Variants in SELENON observed in about 807,000 individuals in gnomAD.
SELENON encodes selenoprotein N, 1.
Under a neutral mutation model 59.5 loss-of-function variants are expected in SELENON, and 44 were observed. The ratio of observed to expected loss-of-function variants is 0.74; its 90% CI spans 0.58 to 0.95. SELENON has a LOEUF of 0.95. SELENON is among the 40% of genes least tolerant of loss of function. SELENON has a pLI of 0.00. For missense variants in SELENON, 674 were observed against 721.4 expected, an observed-to-expected ratio of 0.93 and a Z score of 0.75; for synonymous variants, 320 against 305.6, an observed-to-expected ratio of 1.05 and a Z score of -0.49.
At position 25,808,731 on chromosome 1, in the gene SELENON, T is replaced by C. The variant is rs1236091551; in HGVS notation, c.689T>C (p.Met230Thr). Residue 230 changes from methionine (M) to threonine (T), a missense_variant, in exon 5 of 13, where the codon ATG (methionine) becomes ACG (threonine). By Grantham distance (81) the Met-to-Thr change is moderately conservative. Transcript: ENST00000361547. ...TGGATCATCCCCAGTGAGCTGAGCA[T>C]GTTCACTGGCTACCTGTCCAACAAC... 2 of 1,614,060 alleles carry C rather than the reference T, an allele frequency of 1.2e-6. No homozygotes were observed. The highest frequency in any genetic ancestry group is 2.2e-5 in the South Asian group (2 of 91,088).
At chr1:25,811,024 G>A (rs920746179) in intron 7 of SELENON, among the ~76,000 whole-genome samples, 5 of 152,206 alleles carry the variant, frequency 3.3e-5, no homozygotes, top group Admixed American at 6.5e-5. Flanking sequence ...TCCCTCGTGC[G>A]GCGGATCTGC....
chr1:25,808,503 G>A, intron 4 of SELENON, 77 bp from the exon 4 acceptor site: 3 of 1,545,124 alleles, frequency 1.9e-6, no homozygotes, highest in East Asian at 2.2e-5. Flanking sequence ...GCTTGAGGGA[G>A]ACCTCCACCC....
At chr1:25,800,982 G>C in intron 1 of SELENON, 61 bp from the exon 2 acceptor site, 3 of 1,367,198 alleles carry the variant, frequency 2.2e-6, no homozygotes, top group African/African-American at 1.4e-5. Flanking sequence ...GCAACTGCCT[G>C]TTGGGGACCA....
In SELENON at chr1:25,806,374, C is replaced by T. The variant is rs1396365558; in HGVS notation, c.537+1099C>T. 2.6e-5 allele frequency among the ~76,000 whole-genome samples: 4 copies of T among 152,102 alleles called. No homozygotes were observed. In the South Asian group the frequency reaches 6.2e-4, roughly 24 times the overall value. ...AGACCTGGGCTCTCCAGGCCAGGGA[C>T]GGGGCATGTGTAGAATGGGGAGAAG... On this transcript the variant is annotated intron_variant, in intron 4 of 12. Coordinates refer to ENST00000361547, the MANE Select transcript of SELENON (RefSeq NM_020451.3).
intron 9 of SELENON, 139 bp from the exon 9 acceptor site, chr1:25,812,548 T>C: frequency 4.6e-6 from 3 of 645,926 alleles, no homozygotes; most frequent in Admixed American, 4.7e-5. Flanking sequence ...CACACAAATA[T>C]ATATGCCTAC....
chr1:25,805,856 C>G (rs748764088), intron 4 of SELENON, among the ~76,000 whole-genome samples: 17 of 152,132 alleles, frequency 1.1e-4, no homozygotes, highest in Non-Finnish European at 2.4e-4. Context: ...CTCCCCAACC[C>G]AAGGCCCTTT....
At chr1:25,809,935 C>G in intron 7 of SELENON, 115 bp downstream of exon 6, 1 of 1,346,388 alleles carries the variant, frequency 7.4e-7, no homozygotes, top group East Asian at 2.3e-5. Context: ...TCCCCAGAGC[C>G]CATCTCATGG....
chr1:25,801,977 T>TA, intron 2 of SELENON: 1 of 245,342 alleles, frequency 4.1e-6, no homozygotes, highest in South Asian at 3.8e-5. Flanking sequence ...AGATTTCCAA[T>TA]AGACAGCAGC....
rs531470173 is a variant in SELENON, at chr1:25,804,881, G to A, written c.404-261G>A. 5.5e-4 allele frequency among the ~76,000 whole-genome samples: 83 copies of A among 152,218 alleles called. 1 individual carries two copies. The highest frequency in any genetic ancestry group is 1.9e-3 in the African/African-American group (78 of 41,526). On this transcript the variant is annotated intron_variant, in intron 3 of 12. Transcript: ENST00000361547. ...TCAATCCCGATTCCCCCACCATCTA[G>A]CTATGTGACCTGGGGAAGTGACTTT...
intron 6 of SELENON, among the ~76,000 whole-genome samples, 178 bp from the exon 6 acceptor site, chr1:25,809,505 G>A (rs1356109607): frequency 6.6e-6 from 1 of 152,178 alleles, no homozygotes; most frequent in Non-Finnish European, 1.5e-5. Context: ...CAGAGGAGGG[G>A]CATGTGACCC....
chr1:25,815,455 G>C, intron 12 of SELENON, 93 bp from the exon 12 acceptor site: 1 of 1,126,702 alleles, frequency 8.9e-7, no homozygotes. Flanking sequence ...GTCAAGGCCT[G>C]ATAGCATCCC....
At chr1:25,810,340 T>C (rs1286934590) in intron 7 of SELENON, among the ~76,000 whole-genome samples, 1 of 152,174 alleles carries the variant, frequency 6.6e-6, no homozygotes, top group Non-Finnish European at 1.5e-5. Context: ...TCCGGGACGG[T>C]GCTACACCAG....
rs774052713 is a variant in SELENON, at chr1:25,816,035, GCA to G, written c.*320_*321del. ...CTCCCTGGACCTTTCCTAGCCAGCC[GCA>G]CAGTCTAGGCCCTTGTGGGGTGAAG... On this transcript the variant is annotated 3_prime_UTR_variant, in exon 13 of 13. Transcript: ENST00000361547. 41 of 385,402 alleles carry G rather than the reference GCA, an allele frequency of 1.1e-4. No homozygotes were observed. Among genetic ancestry groups the G allele is most frequent in the Non-Finnish European group, 1.8e-4 (36 of 203,604 alleles). The allele number at this position is 385,402 out of a possible 1,614,324, so 23.9% of individuals were successfully genotyped here.
At chr1:25,815,384 C>T (rs775247884) in intron 12 of SELENON, among the ~76,000 whole-genome samples, 164 bp from the exon 12 acceptor site, 11 of 152,138 alleles carry the variant, frequency 7.2e-5, no homozygotes, top group Non-Finnish European at 1.2e-4. Flanking sequence ...GAGATGGTGT[C>T]GGGTGCTGGC....
rs530538369 is a variant in SELENON, at chr1:25,813,611, G to C, written c.1388-270G>C. 6.2e-5 allele frequency: 34 copies of C among 548,576 alleles called. 1 individual carries two copies. Among genetic ancestry groups the C allele is most frequent in the Admixed American group, 5.9e-4 (26 of 44,420 alleles). 34.0% of individuals were successfully genotyped at this position (548,576 alleles called of 1,614,324 possible). On this transcript the variant is annotated intron_variant, in intron 10 of 12. Transcript: ENST00000361547. ...GCCTGTGTGAAGGCCCTGGGACACA[G>C]AGCGTTCATTGGATTTAAGAAGCTG...
intron 4 of SELENON, 30 bp from the exon 4 acceptor site, chr1:25,808,549 AT>A: frequency 1.9e-6 from 3 of 1,611,514 alleles, no homozygotes; most frequent in Non-Finnish European, 2.5e-6. Flanking sequence ...AGGTTCTCAG[AT>A]TCCTGGAGCT....
intron 10 of SELENON, among the ~76,000 whole-genome samples, chr1:25,813,314 G>A (rs1170097579): frequency 2.0e-5 from 3 of 152,206 alleles, no homozygotes; most frequent in Admixed American, 2.0e-4. Flanking sequence ...TCAACCGTCA[G>A]TGCAGCAGTG....
chr1:25,810,941 G>A (rs1009020533), intron 7 of SELENON, among the ~76,000 whole-genome samples: 1 of 152,202 alleles, frequency 6.6e-6, no homozygotes, highest in African/African-American at 2.4e-5. Flanking sequence ...AGGGACTGCT[G>A]ACCCCCGGGG....
intron 3 of SELENON, 58 bp from the exon 3 acceptor site, chr1:25,805,084 G>C: frequency 6.2e-7 from 1 of 1,607,928 alleles, no homozygotes; most frequent in South Asian, 1.1e-5. Flanking sequence ...TGGATGATGA[G>C]GGAGAGGTGA....
Sources: allele counts gnomAD v4.1 joint callset (sites outside exome capture counted in the v4.1 genomes callset), GRCh38; gene constraint gnomAD v4.1.1; transcripts MANE v1.5; gene names NCBI Gene and HGNC (gene_info 2026-07-23, HGNC 2026-07-21).